The following MSRA variants were observed in gnomAD, a reference collection of about 807,000 sequenced individuals.
MSRA encodes methionine sulfoxide reductase A.
Under a neutral mutation model 31.3 loss-of-function variants are expected in MSRA, and 54 were observed. The ratio of observed to expected loss-of-function variants is 1.73; its 90% CI spans 1.39 to 2.17. The LOEUF (loss-of-function observed/expected upper bound fraction) is 2.17. Among genes scored for constraint, MSRA ranks in the 30% most tolerant of loss-of-function variants. MSRA has a pLI of 0.00. For missense variants in MSRA, 507 were observed against 300.9 expected (o/e 1.69, Z -5.07); for synonymous variants, 169 against 116.5 (o/e 1.45, Z -2.90).
At chr8:10,341,746 G>A (rs149885140) in intron 5 of MSRA, among the ~76,000 whole-genome samples, 33 of 152,284 alleles carry the variant, frequency 2.2e-4, no homozygotes, top group Non-Finnish European at 3.7e-4. Flanking sequence ...ATGGTGTGAC[G>A]TAAGTGAGAT....
intron 3 of MSRA, among the ~76,000 whole-genome samples, chr8:10,249,075 C>G (rs1413205035): frequency 1.3e-5 from 2 of 152,140 alleles, no homozygotes; most frequent in South Asian, 2.1e-4. Context: ...CCTGGCCACT[C>G]TCTTGGGTGT....
chr8:10,343,768 A>G (rs1696375023), intron 5 of MSRA, among the ~76,000 whole-genome samples: 1 of 152,266 alleles, frequency 6.6e-6, no homozygotes, highest in Non-Finnish European at 1.5e-5. Context: ...CTTCATATGC[A>G]AACAGCAACA....
At chr8:10,317,667 C>G (rs1044501766) in intron 4 of MSRA, among the ~76,000 whole-genome samples, 3 of 152,206 alleles carry the variant, frequency 2.0e-5, no homozygotes, top group African/African-American at 4.8e-5. Flanking sequence ...CAGTAATTCT[C>G]TTTCCACTCA....
rs559135750 is a variant in MSRA, at chr8:10,423,587, C to T, written c.544-4561C>T. Among the ~76,000 whole-genome samples the T allele has an allele frequency of 2.6e-5, 4 of 152,280 alleles. No homozygotes were observed. The South Asian group carries it at 6.2e-4, about 24-fold the overall frequency. On this transcript the variant is annotated intron_variant, in intron 5 of 5. Transcript: ENST00000317173. ...TCTTCGTCCCCTATCTCCCCCTGCT[C>T]CTGCACCACCCCACTCTCCCTGCAG...
intron 1 of MSRA, among the ~76,000 whole-genome samples, chr8:10,061,448 G>C (rs1016149236): frequency 1.3e-5 from 2 of 151,870 alleles, no homozygotes; most frequent in Non-Finnish European, 2.9e-5. Flanking sequence ...TTCTCTACTG[G>C]ACAAATAGCT....
chr8:10,072,895 C>G (rs1199968550), intron 1 of MSRA, among the ~76,000 whole-genome samples: 1 of 152,084 alleles, frequency 6.6e-6, no homozygotes, highest in Non-Finnish European at 1.5e-5. Flanking sequence ...ATTTTGGTTT[C>G]CACCTGTTCA....
rs541666753 is a variant in MSRA, at chr8:10,299,908, G to A, written c.332-1626G>A. On this transcript the variant is annotated intron_variant, in intron 3 of 5. Coordinates refer to ENST00000317173, the MANE Select transcript of MSRA (RefSeq NM_012331.5). ...ACTAAGGCTTGAGGCAGCTTCAGAAGCATGGAAAAATATTTACATTTATGG... is the reference window on the plus strand; with the variant it reads ...ACTAAGGCTTGAGGCAGCTTCAGAAACATGGAAAAATATTTACATTTATGG... Among the ~76,000 whole-genome samples, 5 of 152,328 alleles carry A rather than the reference G, an allele frequency of 3.3e-5. No homozygotes were observed. In the South Asian group the frequency reaches 1.0e-3, roughly 32 times the overall value.
chr8:10,071,855 G>C (rs1231883221), intron 1 of MSRA, among the ~76,000 whole-genome samples: 1 of 152,126 alleles, frequency 6.6e-6, no homozygotes, highest in Non-Finnish European at 1.5e-5. Context: ...CTGTATCTCA[G>C]TACGAGAGTC....
At chr8:10,353,142 A>T (rs1417966823) in intron 5 of MSRA, among the ~76,000 whole-genome samples, 15 of 152,174 alleles carry the variant, frequency 9.9e-5, no homozygotes, top group Non-Finnish European at 1.5e-5. Context: ...ACACACACAC[A>T]TTCTCACTGT....
chr8:10,343,319 A>T (rs931708488), intron 5 of MSRA, among the ~76,000 whole-genome samples: 1 of 152,204 alleles, frequency 6.6e-6, no homozygotes, highest in African/African-American at 2.4e-5. Flanking sequence ...TAATTAGTTT[A>T]CATGTCAGAC....
intron 1 of MSRA, among the ~76,000 whole-genome samples, chr8:10,137,713 G>C (rs1262291674): frequency 6.6e-6 from 1 of 152,122 alleles, no homozygotes; most frequent in Non-Finnish European, 1.5e-5. Flanking sequence ...AGTGGGAGTG[G>C]TGACTGGGGA....
chr8:10,273,497 A>T (rs1356133996), intron 3 of MSRA, among the ~76,000 whole-genome samples: 1 of 152,236 alleles, frequency 6.6e-6, no homozygotes, highest in Non-Finnish European at 1.5e-5. Context: ...TTAGGATTAA[A>T]TGAATTACTG....
At chr8:10,152,636 C>G (rs1360762947) in intron 1 of MSRA, among the ~76,000 whole-genome samples, 3 of 152,108 alleles carry the variant, frequency 2.0e-5, no homozygotes, top group African/African-American at 7.2e-5. Flanking sequence ...TACAGAAGTA[C>G]TTTTTTTCCC....
chr8:10,315,866 A>G (rs183726800), intron 4 of MSRA, among the ~76,000 whole-genome samples: 1 of 152,362 alleles, frequency 6.6e-6, no homozygotes, highest in Non-Finnish European at 1.5e-5. Context: ...TAATAAGTAA[A>G]AAGATTTTCT....
chr8:10,173,531 T>A (rs779444550), intron 1 of MSRA, among the ~76,000 whole-genome samples: 1 of 152,198 alleles, frequency 6.6e-6, no homozygotes, highest in East Asian at 1.9e-4. Flanking sequence ...CTCTGGCTGG[T>A]TTTAGGCATT....
At chr8:10,259,231 G>A (rs1034218270) in intron 3 of MSRA, among the ~76,000 whole-genome samples, 4 of 152,166 alleles carry the variant, frequency 2.6e-5, no homozygotes, top group Admixed American at 6.5e-5. Flanking sequence ...TGGCAAAACT[G>A]AGGGAATTTT....
chr8:10,147,461 C>A (rs1803243893), intron 1 of MSRA, among the ~76,000 whole-genome samples: 1 of 152,196 alleles, frequency 6.6e-6, no homozygotes, highest in Non-Finnish European at 1.5e-5. Flanking sequence ...TGACTTCTCC[C>A]AAGGCGTGTG....
chr8:10,386,584 C>A (rs529203906), intron 5 of MSRA, among the ~76,000 whole-genome samples: 5 of 152,128 alleles, frequency 3.3e-5, no homozygotes, highest in Non-Finnish European at 7.4e-5. Flanking sequence ...TTGCAAGCGC[C>A]GTCAGAGCTT....
At chr8:10,264,093 C>T (rs1161901745) in intron 3 of MSRA, among the ~76,000 whole-genome samples, 2 of 152,162 alleles carry the variant, frequency 1.3e-5, no homozygotes, top group Non-Finnish European at 2.9e-5. Context: ...GGAAGCAGAG[C>T]CTTCCAAGTT....
Sources: allele counts gnomAD v4.1 joint callset (sites outside exome capture counted in the v4.1 genomes callset), GRCh38; gene constraint gnomAD v4.1.1; transcripts MANE v1.5; gene names NCBI Gene and HGNC (gene_info 2026-07-23, HGNC 2026-07-21).